Variants in CRHR2 observed in about 807,000 individuals in gnomAD.
CRHR2 encodes the protein corticotropin releasing hormone receptor 2.
Under a neutral mutation model 57.9 loss-of-function variants are expected in CRHR2, and 53 were observed. The ratio of observed to expected loss-of-function variants is 0.92; its 90% CI spans 0.73 to 1.15. The LOEUF is 1.15. Ranked by LOEUF, CRHR2 falls within the 50% of genes most tolerant of loss-of-function variation. CRHR2 has a pLI of 0.00. For missense variants in CRHR2, 532 were observed against 542.6 expected, an observed-to-expected ratio of 0.98 and a Z score of 0.19; for synonymous variants, 213 against 220.9, an observed-to-expected ratio of 0.96 and a Z score of 0.32.
chr7:30,658,004 C>G (rs1411274710), intron 8 of CRHR2, among the ~76,000 whole-genome samples: 1 of 152,242 alleles, frequency 6.6e-6, no homozygotes, highest in Admixed American at 6.5e-5. Context: ...ATCTACCTAG[C>G]AACCAAGGCC....
chr7:30,673,379 G>C (rs963210954), intron 2 of CRHR2, among the ~76,000 whole-genome samples: 1 of 151,818 alleles, frequency 6.6e-6, no homozygotes, highest in Admixed American at 6.6e-5. Flanking sequence ...ATGATCATTT[G>C]TTATTTTTTT....
chr7:30,656,073 C>T lies in CRHR2; in HGVS notation c.832-61G>A, dbSNP rs972895203. ...GAAGGAGCACGTGTTTGAGATGAGC[C>T]GAGAGGCAGCCCCCTTCCCCGCAGA... On this transcript the variant is annotated intron_variant, in intron 8 of 11. Coordinates refer to ENST00000471646, the MANE Select transcript of CRHR2 (RefSeq NM_001883.5). This position sits in a 1 kb window ranked among gnomAD's most constrained non-coding sequence, Gnocchi z 4.4. 3.1e-5 allele frequency: 47 copies of T among 1,504,298 alleles called. No homozygotes were observed. The highest frequency in any genetic ancestry group is 1.8e-4 in the Middle Eastern group (1 of 5,468). 93.2% of individuals were successfully genotyped at this position (1,504,298 alleles called of 1,614,324 possible). A position where few individuals can be genotyped will look rare whatever the true frequency, so the allele number is the denominator to read the frequency against.
intron 2 of CRHR2, 122 bp downstream of exon 2, chr7:30,681,793 C>G: frequency 1.0e-5 from 14 of 1,395,892 alleles, no homozygotes; most frequent in Non-Finnish European, 7.5e-6. Flanking sequence ...TTAACGCCCG[C>G]GGTCCGCGGT....
intron 1 of CRHR2, among the ~76,000 whole-genome samples, chr7:30,697,409 T>C (rs1785078709): frequency 6.6e-6 from 1 of 152,162 alleles, no homozygotes; most frequent in African/African-American, 2.4e-5. Flanking sequence ...CTCTTTAAAC[T>C]TGTTTCCTGT....
chr7:30,696,476 C>T (rs1376963734), intron 1 of CRHR2, among the ~76,000 whole-genome samples: 1 of 152,166 alleles, frequency 6.6e-6, no homozygotes, highest in East Asian at 1.9e-4. Context: ...AATCCCAGCA[C>T]TTTGGGAGGC....
intron 2 of CRHR2, among the ~76,000 whole-genome samples, chr7:30,668,395 C>T (rs552749020): frequency 2.0e-5 from 3 of 152,154 alleles, no homozygotes; most frequent in South Asian, 4.1e-4. Flanking sequence ...AAATGCTGAA[C>T]GTTCCATTGT....
intron 1 of CRHR2, among the ~76,000 whole-genome samples, chr7:30,696,729 A>C (rs1021210865): frequency 6.6e-6 from 1 of 152,138 alleles, no homozygotes; most frequent in African/African-American, 2.4e-5. Flanking sequence ...ATCTCAAAAA[A>C]ATAAAATAAA....
upstream of CRHR2, chr7:30,686,665 T>C (rs1234796645): frequency 2.9e-6 from 2 of 695,144 alleles, no homozygotes; most frequent in Admixed American, 4.5e-5. Context: ...GATTTTTATA[T>C]CATCTATGGA....
chr7:30,696,684 A>G (rs1785063569), intron 1 of CRHR2, among the ~76,000 whole-genome samples: 1 of 152,326 alleles, frequency 6.6e-6, no homozygotes, highest in South Asian at 2.1e-4. Context: ...AGATTGTGCC[A>G]CTGCACTCCA....
intron 10 of CRHR2, 52 bp from the exon 11 acceptor site, chr7:30,655,132 T>A (rs772310606): frequency 1.3e-6 from 2 of 1,588,728 alleles, no homozygotes; most frequent in South Asian, 2.3e-5. Flanking sequence ...GCGGAGCTGT[T>A]CTGCCTGGTG....
chr7:30,657,282 C>G (rs555245512), intron 8 of CRHR2, among the ~76,000 whole-genome samples: 10 of 152,220 alleles, frequency 6.6e-5, no homozygotes, highest in East Asian at 3.9e-4. Flanking sequence ...TCGGGTAGCC[C>G]TAGGGGCAGG....
intron 2 of CRHR2, among the ~76,000 whole-genome samples, chr7:30,673,462 C>A (rs981131573): frequency 3.9e-5 from 6 of 152,226 alleles, no homozygotes; most frequent in Non-Finnish European, 7.3e-5. Flanking sequence ...AAGTGATCCT[C>A]CTGCCTCAGC....
At chr7:30,662,619 G>T (rs1234952683) in intron 6 of CRHR2, 75 bp downstream of exon 6, 14 of 1,553,820 alleles carry the variant, frequency 9.0e-6, no homozygotes. Context: ...CTGGTCCTTG[G>T]ACCCAAGACG....
chr7:30,671,256 T>A (rs192544375), intron 2 of CRHR2, among the ~76,000 whole-genome samples: 38 of 152,308 alleles, frequency 2.5e-4, no homozygotes, highest in Admixed American at 5.9e-4. Context: ...TAAATGCCAG[T>A]TAGCACCCTC....
chr7:30,694,657 A>G (rs1441880151), intron 1 of CRHR2, among the ~76,000 whole-genome samples: 3 of 151,920 alleles, frequency 2.0e-5, no homozygotes, highest in Admixed American at 2.0e-4. Flanking sequence ...TCAGAGAAGG[A>G]CTCAGCTGGG....
chr7:30,697,331 C>A (rs1461030911), intron 1 of CRHR2, among the ~76,000 whole-genome samples: 1 of 152,200 alleles, frequency 6.6e-6, no homozygotes, highest in African/African-American at 2.4e-5. Context: ...AGGAGCTGGA[C>A]TTAGTCAGCA....
At chr7:30,660,394 A>G (rs1445905170) in intron 8 of CRHR2, among the ~76,000 whole-genome samples, 179 bp downstream of exon 8, 1 of 152,216 alleles carries the variant, frequency 6.6e-6, no homozygotes. Context: ...ATCGAGCATG[A>G]GGAAGGGAAG....
intron 7 of CRHR2, 132 bp from the exon 8 acceptor site, chr7:30,660,777 C>G: frequency 1.2e-6 from 1 of 857,848 alleles, no homozygotes; most frequent in Non-Finnish European, 1.8e-6. Flanking sequence ...CCCAGAAAGC[C>G]TTGGTGGAAA....
chr7:30,660,026 C>T (rs1456333839), intron 8 of CRHR2, among the ~76,000 whole-genome samples: 4 of 152,272 alleles, frequency 2.6e-5, no homozygotes, highest in African/African-American at 9.6e-5. Context: ...TTAATTAAAG[C>T]TCATTGTGGA....
Sources: gnomAD v4.1 joint callset for allele counts (sites outside exome capture counted in the v4.1 genomes callset) on GRCh38, gnomAD v4.1.1 for gene constraint, Gnocchi (gnomAD v3.1) non-coding constraint, MANE v1.5 for transcripts, NCBI Gene and HGNC (gene_info 2026-07-23, HGNC 2026-07-21) for gene names.